Variants in XKR4 observed in about 807,000 individuals in gnomAD.
XKR4 encodes the protein XK-related protein 4.
A neutral mutation model predicts 53.9 loss-of-function variants in XKR4; 12 were observed. The observed-to-expected ratio is 0.22, with a 90% CI of 0.14 to 0.36. The LOEUF (loss-of-function observed/expected upper bound fraction) is 0.36. Among genes scored for constraint, XKR4 ranks in the 10% least tolerant of loss-of-function variants. The pLI, the probability that XKR4 is intolerant of heterozygous loss-of-function variation, is 1.00. For missense variants in XKR4, 799 were observed against 859.5 expected, an observed-to-expected ratio of 0.93 and a Z score of 0.88; for synonymous variants, 354 against 362.4, an observed-to-expected ratio of 0.98 and a Z score of 0.26.
chr8:55,511,787 C>T (rs766322713), intron 2 of XKR4, among the ~76,000 whole-genome samples: 2 of 152,158 alleles, frequency 1.3e-5, no homozygotes, highest in East Asian at 1.9e-4. Flanking sequence ...AAATATTATC[C>T]TGTCAAAAGC....
At chr8:55,186,167 A>G (rs1269259321) in intron 1 of XKR4, among the ~76,000 whole-genome samples, 2 of 152,210 alleles carry the variant, frequency 1.3e-5, no homozygotes, top group Non-Finnish European at 2.9e-5. Context: ...TGAAAGATCA[A>G]CAAGTTTGAC....
chr8:55,219,091 C>T (rs1817846057), intron 1 of XKR4, among the ~76,000 whole-genome samples: 1 of 150,582 alleles, frequency 6.6e-6, no homozygotes, highest in African/African-American at 2.4e-5. Context: ...AGTCATGAAT[C>T]CCTTGTTAGA....
chr8:55,367,338 T>A (rs2129385556), intron 2 of XKR4, among the ~76,000 whole-genome samples: 1 of 152,320 alleles, frequency 6.6e-6, no homozygotes, highest in Non-Finnish European at 1.5e-5. Flanking sequence ...CTACAATAAT[T>A]TATTGTAAGA....
At chr8:55,193,243 G>A (rs530803336) in intron 1 of XKR4, among the ~76,000 whole-genome samples, 2 of 152,060 alleles carry the variant, frequency 1.3e-5, no homozygotes, top group South Asian at 4.2e-4. Flanking sequence ...GCTTGCATGA[G>A]GATTGATCAG....
At chr8:55,388,764 C>T (rs1804391239) in intron 2 of XKR4, among the ~76,000 whole-genome samples, 1 of 152,204 alleles carries the variant, frequency 6.6e-6, no homozygotes, top group Non-Finnish European at 1.5e-5. Flanking sequence ...CTACATCCAA[C>T]TCATAGGACA....
At chr8:55,189,426 A>G (rs1243554614) in intron 1 of XKR4, among the ~76,000 whole-genome samples, 1 of 152,142 alleles carries the variant, frequency 6.6e-6, no homozygotes, top group Non-Finnish European at 1.5e-5. Flanking sequence ...ATCACTGGGA[A>G]TGTCACAGAG....
intron 1 of XKR4, among the ~76,000 whole-genome samples, chr8:55,104,610 C>T (rs947369450): frequency 6.6e-5 from 10 of 152,122 alleles, no homozygotes; most frequent in Non-Finnish European, 1.3e-4. Context: ...CACAACCTTT[C>T]CTGGGACCAG....
chr8:55,332,337 G>C (rs1803393985), intron 1 of XKR4, among the ~76,000 whole-genome samples: 1 of 152,026 alleles, frequency 6.6e-6, no homozygotes, highest in Non-Finnish European at 1.5e-5. Flanking sequence ...AAAAGCTGGA[G>C]TTACCAAACA....
chr8:55,393,196 G>A (rs1274969564), intron 2 of XKR4, among the ~76,000 whole-genome samples: 1 of 152,096 alleles, frequency 6.6e-6, no homozygotes, highest in Non-Finnish European at 1.5e-5. Context: ...GAGACAAGGT[G>A]TCATATGTCT....
intron 2 of XKR4, among the ~76,000 whole-genome samples, chr8:55,499,045 A>G (rs1806398473): frequency 6.6e-6 from 1 of 152,222 alleles, no homozygotes; most frequent in Non-Finnish European, 1.5e-5. Context: ...CAAACATAAG[A>G]TGAAATCCTC....
chr8:55,134,267 T>A (rs1302430990), intron 1 of XKR4, among the ~76,000 whole-genome samples: 1 of 152,240 alleles, frequency 6.6e-6, no homozygotes, highest in Non-Finnish European at 1.5e-5. Context: ...CCTTCCTTTC[T>A]TTTCTGTTTT....
At chr8:55,491,065 C>A (rs1050585309) in intron 2 of XKR4, among the ~76,000 whole-genome samples, 4 of 152,068 alleles carry the variant, frequency 2.6e-5, no homozygotes, top group African/African-American at 9.7e-5. Flanking sequence ...GTTTCTATTC[C>A]TATGTATTCA....
intron 2 of XKR4, among the ~76,000 whole-genome samples, chr8:55,359,698 T>C (rs1803872113): frequency 6.6e-6 from 1 of 151,990 alleles, no homozygotes; most frequent in Admixed American, 6.6e-5. Context: ...TATGGAGAGA[T>C]TTTTCTTCCA....
chr8:55,446,349 C>T (rs1024203561), intron 2 of XKR4, among the ~76,000 whole-genome samples: 1 of 148,972 alleles, frequency 6.7e-6, no homozygotes, highest in East Asian at 2.0e-4. Context: ...TGACTGATTT[C>T]TTTTTTTTTT....
intron 2 of XKR4, chr8:55,455,026 G>C (rs949316850): frequency 1.3e-6 from 1 of 753,612 alleles, no homozygotes; most frequent in African/African-American, 1.7e-5. Flanking sequence ...GGAATGGGTT[G>C]GCCTCCCAGT....
intron 1 of XKR4, among the ~76,000 whole-genome samples, chr8:55,124,745 G>T (rs1299292420): frequency 6.6e-6 from 1 of 151,892 alleles, no homozygotes; most frequent in Non-Finnish European, 1.5e-5. Context: ...ACAGCATTTT[G>T]CTCTGTCACC....
chr8:55,451,759 C>T, intron 2 of XKR4: 8 of 1,131,600 alleles, frequency 7.1e-6, no homozygotes, highest in Non-Finnish European at 6.6e-6. Context: ...CCGGCTCAGG[C>T]GGCTGCTCAG....
At chr8:55,380,320 C>G (rs1804213058) in intron 2 of XKR4, among the ~76,000 whole-genome samples, 1 of 152,210 alleles carries the variant, frequency 6.6e-6, no homozygotes, top group South Asian at 2.1e-4. Context: ...AATCTGAAAG[C>G]AATTCTGCCA....
At chr8:55,261,782 A>C (rs985684496) in intron 1 of XKR4, among the ~76,000 whole-genome samples, 16 of 152,232 alleles carry the variant, frequency 1.1e-4, no homozygotes, top group African/African-American at 3.9e-4. Context: ...GGAATTTAAA[A>C]ATAGTCTTTG....
Sources: allele counts gnomAD v4.1 joint callset (sites outside exome capture counted in the v4.1 genomes callset), GRCh38; gene constraint gnomAD v4.1.1; transcripts MANE v1.5; gene names NCBI Gene and HGNC (gene_info 2026-07-23, HGNC 2026-07-21).